TTC29: variants seen among roughly 807,000 people sequenced by gnomAD.
The protein encoded by TTC29 is tetratricopeptide repeat domain 29, also known as tetratricopeptide repeat protein 29.
TTC29 carries 49 observed loss-of-function variants against 58.1 expected under a neutral mutation model. The observed-to-expected ratio is 0.84, with a 90% CI of 0.67 to 1.07. The LOEUF (loss-of-function observed/expected upper bound fraction) is 1.07, where lower values mean the gene tolerates loss of function less well. Among genes scored for constraint, TTC29 ranks in the 50% least tolerant of loss-of-function variants. The pLI is 0.00. For synonymous variants in TTC29, 209 were observed against 196.8 expected, an observed-to-expected ratio of 1.06 and a Z score of -0.52; for missense variants, 582 against 555.6, an observed-to-expected ratio of 1.05 and a Z score of -0.48.
chr4:146,799,954 A>C (rs1239636607), intron 11 of TTC29, among the ~76,000 whole-genome samples: 1 of 152,240 alleles, frequency 6.6e-6, no homozygotes, highest in Non-Finnish European at 1.5e-5. Flanking sequence ...TCTAGTAAGG[A>C]AAGTAAACTA....
intron 4 of TTC29, among the ~76,000 whole-genome samples, chr4:146,930,074 T>A (rs906993300): frequency 3.3e-5 from 4 of 119,554 alleles, no homozygotes; most frequent in Non-Finnish European, 6.8e-5. Context: ...TATATTTGTA[T>A]GTGTGTGTGC....
chr4:146,808,269 C>T (rs1459413873), intron 10 of TTC29, among the ~76,000 whole-genome samples: 1 of 152,078 alleles, frequency 6.6e-6, no homozygotes, highest in African/African-American at 2.4e-5. Flanking sequence ...TATGACAAAC[C>T]CACAGCCAAT....
Position 146,820,171 on chromosome 4 carries a change from T to C in TTC29, c.1055A>G (p.Asp352Gly), listed in dbSNP as rs746632975. The C allele has an allele frequency of 2.5e-6, 4 of 1,613,346 alleles. No homozygotes were observed. The highest frequency in any genetic ancestry group is 3.4e-6 in the Non-Finnish European group (4 of 1,179,778). ...KIARNNFQSL[D>G]LVRASTMLGD... ...AAGCATTGTACTTGCTCTCACCAAA[T>C]CTAGGCTTTGAAAATTGTTTCTTGC... Residue 352 changes from aspartate (D) to glycine (G), a missense_variant, in exon 10 of 13, where the codon GAT becomes GGT. Transcript: ENST00000325106.
At chr4:146,937,056 A>T (rs1051261786) in intron 4 of TTC29, among the ~76,000 whole-genome samples, 4 of 152,012 alleles carry the variant, frequency 2.6e-5, no homozygotes. Flanking sequence ...TCATCCCATA[A>T]ATTAGATTCT....
chr4:146,876,166 A>G (rs1237751206), intron 6 of TTC29, among the ~76,000 whole-genome samples: 1 of 152,170 alleles, frequency 6.6e-6, no homozygotes, highest in Non-Finnish European at 1.5e-5. Flanking sequence ...AAACAGGATT[A>G]CTGTGTAACT....
chr4:146,780,375 C>T (rs1463245892), intron 11 of TTC29, among the ~76,000 whole-genome samples: 2 of 149,594 alleles, frequency 1.3e-5, no homozygotes, highest in African/African-American at 4.9e-5. Flanking sequence ...TTCACTCTCT[C>T]CATTGTAAAT....
chr4:146,776,350 CT>C (rs1283852441), intron 11 of TTC29, among the ~76,000 whole-genome samples: 1 of 152,002 alleles, frequency 6.6e-6, no homozygotes, highest in Admixed American at 6.5e-5. Flanking sequence ...GACACTCTGG[CT>C]TTTTGAGTTG....
At chr4:146,774,722 G>A (rs1372148120) in intron 11 of TTC29, among the ~76,000 whole-genome samples, 4 of 152,120 alleles carry the variant, frequency 2.6e-5, no homozygotes, top group Admixed American at 1.3e-4. Flanking sequence ...TTCTGTAGAC[G>A]TCTGTTAGGT....
intron 11 of TTC29, among the ~76,000 whole-genome samples, chr4:146,740,904 A>T (rs1341943689): frequency 1.3e-5 from 2 of 151,966 alleles, no homozygotes; most frequent in Admixed American, 1.3e-4. Context: ...GCTAATTTTT[A>T]AAAAATATTT....
intron 11 of TTC29, among the ~76,000 whole-genome samples, chr4:146,760,734 A>G (rs1409787456): frequency 7.9e-6 from 1 of 126,046 alleles, no homozygotes; most frequent in East Asian, 2.4e-4. Flanking sequence ...GGCTAGCTAC[A>G]TATATATACA....
Position 146,867,632 on chromosome 4 carries a change from T to C in TTC29, c.800-49A>G, listed in dbSNP as rs539538737. On this transcript the variant is annotated intron_variant, in intron 7 of 12. Transcript: ENST00000325106. ...TACCAAGTATTCAATAAATGATTTA[T>C]TACAACAAACAGAATCCTTGCTTTT... 2.6e-5 allele frequency: 23 copies of C among 894,018 alleles called. 1 individual carries two copies. The South Asian group carries it at 3.7e-4, about 15-fold the overall frequency. 55.4% of individuals were successfully genotyped at this position (894,018 alleles called of 1,614,324 possible). A position where few individuals can be genotyped will look rare whatever the true frequency, so the allele number is the denominator to read the frequency against.
chr4:146,769,595 C>T (rs924309601), intron 11 of TTC29, among the ~76,000 whole-genome samples: 7 of 151,900 alleles, frequency 4.6e-5, no homozygotes, highest in Non-Finnish European at 1.5e-5. Context: ...AAAGTCAGTC[C>T]CCACTTCTGC....
At chr4:146,870,165 T>C (rs1422489234) in intron 7 of TTC29, among the ~76,000 whole-genome samples, 1 of 151,990 alleles carries the variant, frequency 6.6e-6, no homozygotes, top group African/African-American at 2.4e-5. Flanking sequence ...ATTGAAAAGG[T>C]GGTATTCACA....
At chr4:146,724,642 T>C (rs745557846) in intron 11 of TTC29, among the ~76,000 whole-genome samples, 3 of 151,858 alleles carry the variant, frequency 2.0e-5, no homozygotes, top group Non-Finnish European at 2.9e-5. Context: ...GCTTCCCGAG[T>C]AGCTGGGATT....
At chr4:146,836,553 G>T (rs748191439) in intron 8 of TTC29, among the ~76,000 whole-genome samples, 3 of 152,026 alleles carry the variant, frequency 2.0e-5, no homozygotes, top group Non-Finnish European at 4.4e-5. Context: ...AAACTAAAGA[G>T]AGTAGGAGGG....
At chr4:146,801,111 G>GGAA (rs1172967020) in intron 11 of TTC29, among the ~76,000 whole-genome samples, 1 of 152,110 alleles carries the variant, frequency 6.6e-6, no homozygotes, top group Admixed American at 6.6e-5. Flanking sequence ...GACAGGGGAG[G>GGAA]GAAGTGGTCA....
In TTC29 at chr4:146,725,313, T is replaced by A. The variant is rs75700887; in HGVS notation, c.1331-17762A>T. On this transcript the variant is annotated intron_variant, in intron 11 of 12. Transcript: ENST00000325106. ...CTTTGGGAGGCTGAGGCGGGAGGAT[T>A]GCCTGGGCTCAAGAATTCTGAGCCA... Among the ~76,000 whole-genome samples, 654 of 152,214 alleles carry A rather than the reference T, an allele frequency of 4.3e-3. 5 individuals are homozygous for A. The highest frequency in any genetic ancestry group is 0.015 in the African/African-American group (627 of 41,522).
intron 1 of TTC29, among the ~76,000 whole-genome samples, 196 bp from the exon 2 acceptor site, chr4:146,945,273 C>T (rs1484405381): frequency 6.6e-6 from 1 of 152,164 alleles, no homozygotes; most frequent in Non-Finnish European, 1.5e-5. Flanking sequence ...ATCACTAAAT[C>T]AGTGAAATGC....
intron 8 of TTC29, 146 bp downstream of exon 8, chr4:146,867,352 T>C (rs1357357100): frequency 3.3e-5 from 14 of 420,116 alleles, no homozygotes; most frequent in Non-Finnish European, 6.0e-5. Context: ...TTCTAGCATA[T>C]TGCTATTCTG....
Sources: allele counts gnomAD v4.1 joint callset (sites outside exome capture counted in the v4.1 genomes callset), GRCh38; gene constraint gnomAD v4.1.1; transcripts MANE v1.5; gene names NCBI Gene and HGNC (gene_info 2026-07-23, HGNC 2026-07-21).